Variants in ASAH2 observed in about 807,000 individuals in gnomAD.
ASAH2 encodes N-acylsphingosine amidohydrolase 2, also known as neutral ceramidase.
ASAH2 carries 58 observed loss-of-function variants against 82.9 expected under a neutral mutation model. The observed-to-expected ratio is 0.70, with a 90% CI of 0.57 to 0.87. ASAH2 has a LOEUF of 0.87. Ranked by LOEUF, ASAH2 falls within the 40% of genes least tolerant of loss-of-function variation. The pLI, the probability that ASAH2 is intolerant of heterozygous loss-of-function variation, is 0.00. For synonymous variants in ASAH2, 276 were observed against 289.7 expected (o/e 0.95, Z 0.48); for missense variants, 779 against 834.0 (o/e 0.93, Z 0.81).
intron 3 of ASAH2, among the ~76,000 whole-genome samples, chr10:50,244,278 T>C (rs1846386282): frequency 6.6e-6 from 1 of 152,196 alleles, no homozygotes; most frequent in African/African-American, 2.4e-5. Context: ...TCCTGACTTA[T>C]CAGGACTCTA....
In ASAH2 at chr10:50,248,475, G is replaced by T; in HGVS notation, c.127+9C>A. The T allele has an allele frequency of 6.2e-7, 1 of 1,613,228 alleles. No individual in the cohort carries two copies. The highest frequency in any genetic ancestry group is 1.1e-5 in the South Asian group (1 of 90,884). The stretch of plus-strand genomic sequence containing the variant: ...AAAAATTGCATCTAAGAGAGCCCAT[G>T]ACACTTGCCTTTGTGGTTTTCAATG... On this transcript the variant is annotated intron_variant, in intron 2 of 20. Transcript: ENST00000682911.
rs370538403 is a variant in ASAH2, at chr10:50,242,338, T to C, written c.510+864A>G. On this transcript the variant is annotated intron_variant, in intron 4 of 20. Transcript: ENST00000682911. ...AAAGTGATGCTTTTAGGCCATCTCATTATCCCTCTCACTGGCCCCTTCACA... is the reference window on the plus strand; with the variant it reads ...AAAGTGATGCTTTTAGGCCATCTCACTATCCCTCTCACTGGCCCCTTCACA... 1.2e-4 allele frequency among the ~76,000 whole-genome samples: 18 copies of C among 152,268 alleles called. No homozygotes were observed. In the South Asian group the frequency reaches 3.7e-3, roughly 32 times the overall value.
chr10:50,209,119 A>G (rs1163357546), intron 12 of ASAH2, among the ~76,000 whole-genome samples: 2 of 152,188 alleles, frequency 1.3e-5, no homozygotes, highest in African/African-American at 4.8e-5. Context: ...CATTACCTCC[A>G]TGATACACAA....
intron 4 of ASAH2, among the ~76,000 whole-genome samples, chr10:50,242,332 A>G (rs990625604): frequency 5.3e-5 from 8 of 152,148 alleles, no homozygotes; most frequent in African/African-American, 1.9e-4. Flanking sequence ...CTTTTAGGCC[A>G]TCTCATTATC....
In ASAH2 at chr10:50,206,069, G is replaced by T; in HGVS notation, c.1443C>A (p.Asp481Glu). The change falls in exon 13 of 21, where the codon GAC becomes GAA. Residue 481 changes from aspartate (D) to glutamate (E), a missense_variant. By Grantham distance (45) the Asp-to-Glu change is conservative (BLOSUM62 2). Transcript: ENST00000682911. ...TTCCCAGGATCTGGTCCCGAATGGT[G>T]TCCCAAAATGGATCCCCTTCTGTTT... is the stretch of plus-strand genomic sequence containing the variant. ...QGKTEGDPFW[D>E]TIRDQILGKP... 6.2e-7 allele frequency: 1 copy of T among 1,612,334 alleles called. No individual in the cohort carries two copies. Among genetic ancestry groups the T allele is most frequent in the South Asian group, 1.1e-5 (1 of 91,044 alleles).
At chr10:50,234,365 G>A in intron 6 of ASAH2, 60 bp downstream of exon 6, 2 of 1,610,558 alleles carry the variant, frequency 1.2e-6, no homozygotes, top group Non-Finnish European at 1.7e-6. Flanking sequence ...CCTGTACTTA[G>A]ATTTTGTTGC....
intron 15 of ASAH2, 78 bp downstream of exon 15, chr10:50,203,562 T>C (rs1845216482): frequency 1.6e-6 from 2 of 1,238,740 alleles, no homozygotes; most frequent in South Asian, 1.2e-5. Context: ...ACTCTAGATA[T>C]AGGATCATAG....
In ASAH2 at chr10:50,202,931, G is replaced by A. The variant is rs1198628964; in HGVS notation, c.1666-7C>T. ...TCCCATGAGATGCAAATTCCTAGGA[G>A]AGAAAGGTAAAACCCAATAAAATTA... On this transcript the variant is annotated splice_polypyrimidine_tract_variant and splice_region_variant and intron_variant, in intron 15 of 20. Coordinates refer to ENST00000682911, the MANE Select transcript of ASAH2 (RefSeq NM_019893.4). 1 of 1,588,248 alleles carries A rather than the reference G, an allele frequency of 6.3e-7. No homozygotes were observed. Among genetic ancestry groups the A allele is most frequent in the African/African-American group, 1.3e-5 (1 of 74,306 alleles).
chr10:50,218,200 T>C (rs1318585875), intron 8 of ASAH2, among the ~76,000 whole-genome samples: 2 of 152,202 alleles, frequency 1.3e-5, no homozygotes, highest in Admixed American at 6.5e-5. Flanking sequence ...CAACAGTTTG[T>C]CATATTTTCA....
chr10:50,201,238 A>G (rs1053852813), intron 16 of ASAH2, among the ~76,000 whole-genome samples: 2 of 152,132 alleles, frequency 1.3e-5, no homozygotes, highest in African/African-American at 2.4e-5. Flanking sequence ...TTCATCCTTC[A>G]TGTCTATTTG....
At chr10:50,230,223 G>A (rs1182553147) in intron 7 of ASAH2, among the ~76,000 whole-genome samples, 3 of 152,298 alleles carry the variant, frequency 2.0e-5, no homozygotes, top group South Asian at 4.1e-4. Flanking sequence ...ACAAAAATGA[G>A]AGTAAGAAGG....
intron 12 of ASAH2, among the ~76,000 whole-genome samples, chr10:50,207,153 A>G (rs1482705348): frequency 6.6e-6 from 1 of 151,796 alleles, no homozygotes; most frequent in Non-Finnish European, 1.5e-5. Flanking sequence ...CAACACATCA[A>G]AACTTATGGT....
intron 7 of ASAH2, among the ~76,000 whole-genome samples, chr10:50,223,771 T>C (rs1249985110): frequency 6.6e-6 from 1 of 152,054 alleles, no homozygotes; most frequent in Non-Finnish European, 1.5e-5. Context: ...ATGACTAGCA[T>C]CGTTACAAGA....
intron 7 of ASAH2, 58 bp from the exon 8 acceptor site, chr10:50,218,688 A>T: frequency 6.2e-7 from 1 of 1,604,734 alleles, no homozygotes; most frequent in Non-Finnish European, 8.5e-7. Context: ...TGGGGCCAAG[A>T]ACTATGACTG....
intron 17 of ASAH2, among the ~76,000 whole-genome samples, chr10:50,197,813 T>C (rs1589320953): frequency 6.6e-6 from 1 of 152,008 alleles, no homozygotes; most frequent in African/African-American, 2.4e-5. Flanking sequence ...TGGGAAGAAC[T>C]ATAGACCTAT....
intron 2 of ASAH2, 55 bp downstream of exon 2, chr10:50,248,429 C>T: frequency 1.3e-6 from 2 of 1,596,052 alleles, no homozygotes; most frequent in African/African-American, 1.4e-5. Flanking sequence ...CCACAGTAAT[C>T]AAGAAGTTTC....
At position 50,214,872 on chromosome 10, in the gene ASAH2, C is replaced by T; in HGVS notation, c.1015-4G>A. On this transcript the variant is annotated splice_region_variant and splice_polypyrimidine_tract_variant and intron_variant, in intron 8 of 20. Coordinates refer to ENST00000682911, the MANE Select transcript of ASAH2 (RefSeq NM_019893.4). ...CAAAGGCTGCTACAAATGGCCCCTG[C>T]CAAAAGAAATGCCAAGTTGCCTTTT... is the stretch of plus-strand genomic sequence containing the variant. The T allele has an allele frequency of 1.2e-6, 2 of 1,613,210 alleles. No homozygotes were observed. Among genetic ancestry groups the T allele is most frequent in the Non-Finnish European group, 8.5e-7 (1 of 1,179,514 alleles).
intron 12 of ASAH2, among the ~76,000 whole-genome samples, chr10:50,207,483 G>A (rs1366794644): frequency 5.9e-5 from 9 of 151,262 alleles, no homozygotes; most frequent in African/African-American, 1.9e-4. Context: ...TCAGAAATTA[G>A]AATATTAATA....
intron 4 of ASAH2, among the ~76,000 whole-genome samples, chr10:50,239,828 ATTTTTTTTT>A (rs1208518684): frequency 1.7e-5 from 2 of 120,646 alleles, no homozygotes; most frequent in Admixed American, 9.5e-5. Context: ...CTCACATTTA[ATTTTTTTTT>A]TTTTTTTTTT....
Sources: gnomAD v4.1 joint callset for allele counts (sites outside exome capture counted in the v4.1 genomes callset) on GRCh38, gnomAD v4.1.1 for gene constraint, MANE v1.5 for transcripts, NCBI Gene and HGNC (gene_info 2026-07-23, HGNC 2026-07-21) for gene names.